Variants in DPP6 observed in about 807,000 individuals in gnomAD.
DPP6 encodes the protein dipeptidyl peptidase like 6.
DPP6 carries 69 observed loss-of-function variants against 122.6 expected under a neutral mutation model. The observed-to-expected ratio is 0.56, with a 90% CI of 0.46 to 0.69. DPP6 has a LOEUF of 0.69. Ranked by LOEUF, DPP6 falls within the 30% of genes least tolerant of loss-of-function variation. The pLI, the probability that DPP6 is intolerant of heterozygous loss-of-function variation, is 0.00. For synonymous variants in DPP6, 418 were observed against 433.1 expected (o/e 0.97, Z 0.43); for missense variants, 928 against 1,116.9 (o/e 0.83, Z 2.41).
At chr7:154,575,239 TTTGTGTGGTGTGTGTG>T in intron 5 of DPP6, among the ~76,000 whole-genome samples, 1 of 118,774 alleles carries the variant, frequency 8.4e-6, no homozygotes, top group African/African-American at 3.3e-5. Context: ...GTGTGTGGTG[TTTGTGTGGTGTGTGTG>T]GTGTGTATGT....
chr7:154,333,134 G>A (rs77904470), intron 1 of DPP6, among the ~76,000 whole-genome samples: 1 of 152,092 alleles, frequency 6.6e-6, no homozygotes, highest in African/African-American at 2.4e-5. Context: ...TGCTTCAAGC[G>A]TATTTGTTTT....
intron 1 of DPP6, among the ~76,000 whole-genome samples, chr7:153,994,531 G>T (rs1184156896): frequency 6.6e-6 from 1 of 152,124 alleles, no homozygotes; most frequent in East Asian, 1.9e-4. Flanking sequence ...AACAACAGTG[G>T]ATTTAGACTT....
Position 154,330,529 on chromosome 7 carries a change from G to A in DPP6, c.244-115685G>A, listed in dbSNP as rs945689397. Among the ~76,000 whole-genome samples, 9 of 152,336 alleles carry A rather than the reference G, an allele frequency of 5.9e-5. No individual in the cohort carries two copies. In the East Asian group the frequency reaches 1.5e-3, roughly 26 times the overall value. On this transcript the variant is annotated intron_variant, in intron 1 of 25. Coordinates refer to ENST00000377770, the MANE Select transcript of DPP6 (RefSeq NM_130797.4). ...TTTGGGGCGGGCAAGCATCAGGGCA[G>A]TTTGACAAAGAGCAGATGTTCCTGT...
intron 1 of DPP6, among the ~76,000 whole-genome samples, chr7:154,442,579 T>C (rs1395304063): frequency 3.3e-5 from 5 of 151,962 alleles, no homozygotes; most frequent in African/African-American, 1.2e-4. Flanking sequence ...CCAGGAACAA[T>C]AGGGTATGAG....
chr7:153,978,649 T>C (rs1337124809), intron 1 of DPP6, among the ~76,000 whole-genome samples: 1 of 152,212 alleles, frequency 6.6e-6, no homozygotes. Flanking sequence ...ATGAATGGTA[T>C]TGCCTAGGTT....
At chr7:154,405,301 T>A (rs1815987536) in intron 1 of DPP6, among the ~76,000 whole-genome samples, 1 of 152,226 alleles carries the variant, frequency 6.6e-6, no homozygotes, top group Non-Finnish European at 1.5e-5. Flanking sequence ...TCCCTGTGGT[T>A]TGTTTTTGGA....
chr7:154,301,036 C>G (rs1309933125), intron 1 of DPP6, among the ~76,000 whole-genome samples: 1 of 152,134 alleles, frequency 6.6e-6, no homozygotes, highest in Admixed American at 6.5e-5. Context: ...TCTAGACTGC[C>G]AAGGTTCAAG....
chr7:154,873,802 CCA>C (rs144717280), intron 19 of DPP6, among the ~76,000 whole-genome samples: 6,625 of 132,360 alleles, frequency 0.05, 356 homozygotes, highest in Admixed American at 0.17. Flanking sequence ...ACACATGCAT[CCA>C]CACACACACA....
At chr7:154,578,917 T>C (rs1465019185) in intron 5 of DPP6, among the ~76,000 whole-genome samples, 1 of 152,114 alleles carries the variant, frequency 6.6e-6, no homozygotes, top group African/African-American at 2.4e-5. Context: ...ACTGGAAAAA[T>C]AGCCATTCTT....
At chr7:154,619,615 G>C (rs558034358) in intron 5 of DPP6, among the ~76,000 whole-genome samples, 1 of 152,278 alleles carries the variant, frequency 6.6e-6, no homozygotes, top group East Asian at 1.9e-4. Flanking sequence ...TTGTGAAAGA[G>C]CCCTGGTCAC....
chr7:153,955,311 C>T (rs1329656331), intron 1 of DPP6, among the ~76,000 whole-genome samples: 1 of 152,182 alleles, frequency 6.6e-6, no homozygotes, highest in East Asian at 1.9e-4. Flanking sequence ...ATAAAGAAAT[C>T]ATCATCATTA....
At chr7:154,757,297 TCTC>T (rs903704555) in intron 8 of DPP6, among the ~76,000 whole-genome samples, 1 of 152,076 alleles carries the variant, frequency 6.6e-6, no homozygotes, top group Admixed American at 6.5e-5. Flanking sequence ...GCCAGCCTCT[TCTC>T]CTTTCCAATG....
At chr7:154,471,325 G>A (rs1822256760) in intron 2 of DPP6, among the ~76,000 whole-genome samples, 1 of 152,098 alleles carries the variant, frequency 6.6e-6, no homozygotes, top group Non-Finnish European at 1.5e-5. Context: ...TACCTGGATT[G>A]AAAGGGAAGA....
intron 1 of DPP6, among the ~76,000 whole-genome samples, chr7:154,042,406 A>G (rs1563125555): frequency 6.6e-6 from 1 of 152,146 alleles, no homozygotes; most frequent in Non-Finnish European, 1.5e-5. Flanking sequence ...CTCACAGGAA[A>G]ATTTATATAG....
chr7:153,991,022 A>G (rs367708814), intron 1 of DPP6, among the ~76,000 whole-genome samples: 8,269 of 129,038 alleles, frequency 0.064, no homozygotes, highest in African/African-American at 0.1. Flanking sequence ...CCTCGTGGTT[A>G]GAGGATAAAG....
At chr7:153,998,144 C>T (rs1248041142) in intron 1 of DPP6, among the ~76,000 whole-genome samples, 1 of 151,816 alleles carries the variant, frequency 6.6e-6, no homozygotes, top group East Asian at 1.9e-4. Flanking sequence ...AAAGAGGTTA[C>T]AGTCCAAGTT....
intron 1 of DPP6, among the ~76,000 whole-genome samples, chr7:154,126,174 AG>A (rs1181863564): frequency 1.3e-5 from 2 of 152,076 alleles, no homozygotes; most frequent in Non-Finnish European, 2.9e-5. Context: ...GTTCTGGGAG[AG>A]GTAGGAAAAC....
intron 18 of DPP6, among the ~76,000 whole-genome samples, chr7:154,869,420 GA>G (rs1396676482): frequency 2.0e-5 from 3 of 152,274 alleles, no homozygotes; most frequent in African/African-American, 7.2e-5. Context: ...AGAATTCAGA[GA>G]AGAGCATGAG....
intron 1 of DPP6, among the ~76,000 whole-genome samples, chr7:154,173,010 G>A (rs1250496724): frequency 6.6e-6 from 1 of 152,170 alleles, no homozygotes; most frequent in African/African-American, 2.4e-5. Context: ...GAAGGGAATG[G>A]TAGGAAAGAG....
Sources: gnomAD v4.1 joint callset for allele counts (sites outside exome capture counted in the v4.1 genomes callset) on GRCh38, gnomAD v4.1.1 for gene constraint, MANE v1.5 for transcripts, NCBI Gene and HGNC (gene_info 2026-07-23, HGNC 2026-07-21) for gene names.